Variants in PDE11A observed in about 807,000 individuals in gnomAD.
PDE11A encodes phosphodiesterase 11A.
In PDE11A, 100 loss-of-function variants were observed where a neutral mutation model predicts 100.5. The ratio of observed to expected loss-of-function variants is 1.00; its 90% CI spans 0.85 to 1.18. The LOEUF (loss-of-function observed/expected upper bound fraction) is 1.18, where lower values mean the gene tolerates loss of function less well. Among genes scored for constraint, PDE11A ranks in the 50% most tolerant of loss-of-function variants. PDE11A has a pLI of 0.00. For missense variants in PDE11A, 1,141 were observed against 1,152.6 expected (o/e 0.99, Z 0.15); for synonymous variants, 381 against 420.8 (o/e 0.91, Z 1.16).
rs1048508643 is a variant in PDE11A, at chr2:177,833,333, A to G, written c.1500+6918T>C. Among the ~76,000 whole-genome samples, 36 of 152,096 alleles carry G rather than the reference A, an allele frequency of 2.4e-4. 1 individual carries two copies. The highest frequency in any genetic ancestry group is 1.2e-3 in the Admixed American group (19 of 15,274). On this transcript the variant is annotated intron_variant, in intron 6 of 19. Coordinates refer to ENST00000286063, the MANE Select transcript of PDE11A (RefSeq NM_016953.4). Reference sequence around the variant, plus strand: ...TTGCAAACTAAGTGATATGTCCAAGACTCCTCAGCTCTTGAGCACAGCAGA... The same window carrying G: ...TTGCAAACTAAGTGATATGTCCAAGGCTCCTCAGCTCTTGAGCACAGCAGA...
intron 9 of PDE11A, among the ~76,000 whole-genome samples, chr2:177,772,251 T>C (rs2105505977): frequency 6.6e-6 from 1 of 152,228 alleles, no homozygotes; most frequent in South Asian, 2.1e-4. Context: ...AATAAAGATA[T>C]ATTCTACTGG....
intron 2 of PDE11A, among the ~76,000 whole-genome samples, chr2:178,082,728 T>C (rs977172604): frequency 1.3e-4 from 20 of 152,226 alleles, no homozygotes; most frequent in Non-Finnish European, 2.9e-4. Flanking sequence ...GGTGATGTTT[T>C]TGCTCTCTGA....
intron 12 of PDE11A, among the ~76,000 whole-genome samples, chr2:177,723,772 A>G (rs2081562959): frequency 6.6e-6 from 1 of 152,154 alleles, no homozygotes; most frequent in Non-Finnish European, 1.5e-5. Flanking sequence ...ACTCTTAAAG[A>G]AATCTTTTTT....
chr2:177,685,241 A>G (rs2080926417), intron 15 of PDE11A, among the ~76,000 whole-genome samples: 1 of 152,164 alleles, frequency 6.6e-6, no homozygotes, highest in Admixed American at 6.5e-5. Context: ...CTAGATCCTA[A>G]TTTTTCTAGG....
intron 15 of PDE11A, among the ~76,000 whole-genome samples, chr2:177,684,601 G>A (rs575150322): frequency 6.6e-6 from 1 of 152,254 alleles, no homozygotes; most frequent in Admixed American, 6.5e-5. Flanking sequence ...CTACTTACAT[G>A]ACTGACCTTG....
chr2:177,917,023 G>A (rs1217145680), intron 2 of PDE11A, among the ~76,000 whole-genome samples: 3 of 143,294 alleles, frequency 2.1e-5, no homozygotes, highest in East Asian at 2.1e-4. Flanking sequence ...TGATCCACCC[G>A]CCTCAGCCTC....
intron 2 of PDE11A, chr2:177,921,660 T>A (rs369874276): frequency 3.3e-5 from 5 of 152,280 alleles, no homozygotes; most frequent in African/African-American, 1.2e-4. Flanking sequence ...ACCTTGTTTC[T>A]CCTTCACTAT....
intron 18 of PDE11A, 87 bp from the exon 19 acceptor site, chr2:177,664,036 AT>A: frequency 2.8e-5 from 22 of 798,714 alleles, no homozygotes; most frequent in South Asian, 5.6e-5. Context: ...AGAATGATCC[AT>A]TTTTTTTACA....
At chr2:177,798,080 T>G (rs2082730130) in intron 9 of PDE11A, among the ~76,000 whole-genome samples, 1 of 152,186 alleles carries the variant, frequency 6.6e-6, no homozygotes, top group Non-Finnish European at 1.5e-5. Context: ...TTGAGGTGCT[T>G]GAATAGCATG....
At chr2:177,762,494 G>A (rs1295716409) in intron 10 of PDE11A, among the ~76,000 whole-genome samples, 2 of 152,206 alleles carry the variant, frequency 1.3e-5, no homozygotes, top group Non-Finnish European at 2.9e-5. Flanking sequence ...CAGTTCAGGA[G>A]TCAGGGATCT....
chr2:177,918,711 T>C lies in PDE11A; in HGVS notation c.1072-13524A>G, dbSNP rs114304836. On this transcript the variant is annotated intron_variant, in intron 2 of 19. Transcript: ENST00000286063. ...TTGCCATAATCTCAAACTTAAATAT[T>C]TGCAAATCTGATGTAAACTTGTATA... Among the ~76,000 whole-genome samples the C allele has an allele frequency of 2.2e-3, 328 of 152,230 alleles. 4 individuals carry two copies. The highest frequency in any genetic ancestry group is 3.9e-3 in the Non-Finnish European group (264 of 68,004).
intron 15 of PDE11A, among the ~76,000 whole-genome samples, chr2:177,692,974 G>T (rs1388034638): frequency 6.6e-6 from 1 of 152,154 alleles, no homozygotes; most frequent in Non-Finnish European, 1.5e-5. Flanking sequence ...ACCCTGCCCA[G>T]CCTGGCCCTT....
chr2:178,006,374 T>C (rs1481587080), intron 2 of PDE11A, among the ~76,000 whole-genome samples: 1 of 152,074 alleles, frequency 6.6e-6, no homozygotes, highest in Non-Finnish European at 1.5e-5. Flanking sequence ...TAGATAAGAA[T>C]ATAAGGAAAA....
intron 5 of PDE11A, among the ~76,000 whole-genome samples, chr2:177,842,372 G>C (rs563257439): frequency 1.3e-5 from 2 of 152,324 alleles, no homozygotes; most frequent in African/African-American, 4.8e-5. Flanking sequence ...GGAGAGATTG[G>C]AGGAGTTAGA....
intron 1 of PDE11A, among the ~76,000 whole-genome samples, chr2:178,059,320 T>C: frequency 6.6e-6 from 1 of 151,898 alleles, no homozygotes; most frequent in East Asian, 2.0e-4. Flanking sequence ...CTGGCCATCT[T>C]GGGATGTCCC....
At chr2:177,685,463 C>G (rs1406072700) in intron 15 of PDE11A, among the ~76,000 whole-genome samples, 1 of 152,222 alleles carries the variant, frequency 6.6e-6, no homozygotes. Flanking sequence ...AGTATGTTCA[C>G]TATAGGGAAC....
At chr2:177,998,599 C>T in intron 2 of PDE11A, 1 of 1,299,434 alleles carries the variant, frequency 7.7e-7, no homozygotes, top group Non-Finnish European at 1.1e-6. Context: ...TCAGCCAATT[C>T]TGTAAAATGC....
intron 1 of PDE11A, among the ~76,000 whole-genome samples, chr2:178,059,515 C>T (rs1261083310): frequency 6.6e-6 from 1 of 152,200 alleles, no homozygotes; most frequent in Non-Finnish European, 1.5e-5. Flanking sequence ...ATTGACTTCC[C>T]TGTCCCTAGA....
At chr2:177,921,992 T>A (rs953199360) in intron 2 of PDE11A, 1 of 152,196 alleles carries the variant, frequency 6.6e-6, no homozygotes, top group Non-Finnish European at 1.5e-5. Context: ...CAAATGAATA[T>A]CATTAAAATA....
Sources: gnomAD v4.1 joint callset for allele counts (sites outside exome capture counted in the v4.1 genomes callset) on GRCh38, gnomAD v4.1.1 for gene constraint, MANE v1.5 for transcripts, NCBI Gene and HGNC (gene_info 2026-07-23, HGNC 2026-07-21) for gene names.